PLS3: variants seen among roughly 807,000 people sequenced by gnomAD.
PLS3 encodes plastin-3.
A neutral mutation model predicts 46.5 loss-of-function variants in PLS3; 11 were observed. That is an observed-to-expected ratio of 0.24 (90% CI 0.15 to 0.39). The LOEUF is 0.39. Among genes scored for constraint, PLS3 ranks in the 10% least tolerant of loss-of-function variants. The pLI is 1.00. For missense variants in PLS3, 308 were observed against 461.8 expected (o/e 0.67, Z 3.05); for synonymous variants, 167 against 162.2 (o/e 1.03, Z -0.22).
intron 5 of PLS3, among the ~76,000 whole-genome samples, chrX:115,632,936 A>G (rs1556639634): frequency 9.1e-6 from 1 of 109,950 alleles, no homozygotes; most frequent in African/African-American, 3.3e-5. Context: ...GGGTTTCACC[A>G]TCTTGCTTAG....
intron 13 of PLS3, among the ~76,000 whole-genome samples, chrX:115,647,259 C>T (rs1194482084): frequency 9.4e-6 from 1 of 106,415 alleles, no homozygotes; most frequent in Non-Finnish European, 1.9e-5. Flanking sequence ...CGGTGAAACC[C>T]TGTCCCTACT....
intron 10 of PLS3, among the ~76,000 whole-genome samples, chrX:115,643,800 G>A (rs998699176): frequency 6.3e-5 from 7 of 111,007 alleles, no homozygotes; most frequent in Admixed American, 5.8e-4. Flanking sequence ...GTGAAACCCC[G>A]TCTCTACGAA....
At chrX:115,643,036 G>T (rs1330836270) in intron 9 of PLS3, among the ~76,000 whole-genome samples, 2 of 111,632 alleles carry the variant, frequency 1.8e-5, no homozygotes, top group African/African-American at 6.5e-5. Context: ...CAAAATCTGG[G>T]AGTTTCCCCC....
At chrX:115,584,003 A>G (rs1415813416) in intron 1 of PLS3, among the ~76,000 whole-genome samples, 3 of 111,477 alleles carry the variant, frequency 2.7e-5, no homozygotes, top group African/African-American at 9.8e-5. Context: ...AATTCGTTTC[A>G]ATTACCAAAT....
intron 2 of PLS3, among the ~76,000 whole-genome samples, chrX:115,621,864 C>T (rs1320282603): frequency 3.6e-5 from 4 of 111,833 alleles, no homozygotes; most frequent in Non-Finnish European, 7.5e-5. Flanking sequence ...ATAAGAAACA[C>T]AAAATTCCTA....
At chrX:115,634,426 A>G (rs2074809414) in intron 6 of PLS3, among the ~76,000 whole-genome samples, 1 of 111,998 alleles carries the variant, frequency 8.9e-6, no homozygotes, top group African/African-American at 3.2e-5. Flanking sequence ...TATCAAGTGA[A>G]TATTAGATTA....
intron 1 of PLS3, among the ~76,000 whole-genome samples, chrX:115,598,292 CAAAAAAA>C (rs782523501): frequency 1.5e-5 from 1 of 65,460 alleles, no homozygotes; most frequent in Non-Finnish European, 3.1e-5. Context: ...GATTCTATTT[CAAAAAAA>C]AAAAAAAAAG....
chrX:115,585,079 A>T (rs1445340859), intron 1 of PLS3, among the ~76,000 whole-genome samples: 1 of 111,297 alleles, frequency 9.0e-6, no homozygotes, highest in African/African-American at 3.3e-5. Flanking sequence ...CTTCCAATTC[A>T]ATTGGATCAA....
intron 2 of PLS3, among the ~76,000 whole-genome samples, chrX:115,613,546 A>T (rs1203599871): frequency 1.8e-5 from 2 of 111,965 alleles, no homozygotes; most frequent in East Asian, 5.6e-4. Context: ...AAATGAAACT[A>T]ATCAGTGCTC....
intron 1 of PLS3, among the ~76,000 whole-genome samples, chrX:115,606,165 CTTT>C (rs782575149): frequency 6.6e-5 from 2 of 30,286 alleles, no homozygotes; most frequent in African/African-American, 1.6e-4. Flanking sequence ...CTTTTCTTTT[CTTT>C]TTTTTTTTTT....
intron 7 of PLS3, 103 bp downstream of exon 7, chrX:115,635,149 C>A: frequency 1.5e-6 from 1 of 655,409 alleles, no homozygotes; most frequent in Non-Finnish European, 2.4e-6. Flanking sequence ...ATGGTGGTAA[C>A]TAGAATGAAC....
chrX:115,633,697 T>G (rs2074801806), intron 5 of PLS3, among the ~76,000 whole-genome samples: 1 of 110,650 alleles, frequency 9.0e-6, no homozygotes. Flanking sequence ...CTCACTATAT[T>G]GCCCAGGCTG....
intron 1 of PLS3, among the ~76,000 whole-genome samples, chrX:115,589,575 TG>T (rs1438273383): frequency 1.8e-5 from 2 of 111,938 alleles, no homozygotes; most frequent in African/African-American, 6.5e-5. Flanking sequence ...AACTGTTTCA[TG>T]AAAGGAAAAT....
intron 1 of PLS3, among the ~76,000 whole-genome samples, chrX:115,603,268 A>G (rs781932130): frequency 9.0e-6 from 1 of 111,151 alleles, no homozygotes; most frequent in Non-Finnish European, 1.9e-5. Context: ...ATTGTACACT[A>G]TATCCTTTTA....
At chrX:115,644,447 A>C (rs1281350559) in intron 10 of PLS3, among the ~76,000 whole-genome samples, 1 of 109,527 alleles carries the variant, frequency 9.1e-6, no homozygotes, top group African/African-American at 3.3e-5. Context: ...AAATACAAAA[A>C]ATTAGGCAGG....
Position 115,635,274 on chromosome X carries a change from A to G in PLS3, c.748+228A>G, listed in dbSNP as rs187079417. ...CAATTCATTTTGCAATAATGACACAAAAGCACAGAGAGATTAAGGAGCTTT... is the reference window on the plus strand; with the variant it reads ...CAATTCATTTTGCAATAATGACACAGAAGCACAGAGAGATTAAGGAGCTTT... On this transcript the variant is annotated intron_variant, in intron 7 of 15. Coordinates refer to ENST00000355899, the MANE Select transcript of PLS3 (RefSeq NM_005032.7). Among the ~76,000 whole-genome samples the G allele has an allele frequency of 4.2e-4, 47 of 111,249 alleles. 1 individual carries two copies. In the East Asian group the frequency reaches 0.013, roughly 30 times the overall value.
At chrX:115,568,971 G>T (rs1556630407) in intron 1 of PLS3, among the ~76,000 whole-genome samples, 1 of 108,950 alleles carries the variant, frequency 9.2e-6, no homozygotes, top group African/African-American at 3.4e-5. Flanking sequence ...AGGAGGTGAA[G>T]GTTGCAGTGA....
rs2074988122 is a variant in PLS3 at position 115,650,055 on chromosome X, A to G, written c.*494A>G. The G allele has an allele frequency of 8.9e-6, 1 of 112,743 alleles. No individual in the cohort carries two copies. Among genetic ancestry groups the G allele is most frequent in the East Asian group, 2.8e-4 (1 of 3,584 alleles). The allele number at this position is 112,743 out of a possible 1,213,427, so 9.3% of individuals were successfully genotyped here. A position where few individuals can be genotyped will look rare whatever the true frequency, so the allele number is the denominator to read the frequency against. On this transcript the variant is annotated 3_prime_UTR_variant, in exon 16 of 16. Transcript: ENST00000355899. ...CTTTGTAGTACTGAAAATTTGCCGA[A>G]GTAACTGGCTGTGCAGAATGTAATA...
intron 15 of PLS3, among the ~76,000 whole-genome samples, chrX:115,648,767 C>A (rs1195111430): frequency 8.9e-6 from 1 of 111,919 alleles, no homozygotes. Context: ...CACAATATAT[C>A]AAGAACTCTT....
Sources: gnomAD v4.1 joint callset for allele counts (sites outside exome capture counted in the v4.1 genomes callset) on GRCh38, gnomAD v4.1.1 for gene constraint, MANE v1.5 for transcripts, NCBI Gene and HGNC (gene_info 2026-07-23, HGNC 2026-07-21) for gene names.